NRXN3: variants seen among roughly 807,000 people sequenced by gnomAD.
The protein encoded by NRXN3 is neurexin 3.
A neutral mutation model predicts 137.6 loss-of-function variants in NRXN3; 32 were observed. The ratio of observed to expected loss-of-function variants is 0.23; its 90% CI spans 0.18 to 0.31. The LOEUF (loss-of-function observed/expected upper bound fraction) is 0.31, where lower values mean the gene tolerates loss of function less well. NRXN3 is among the 10% of genes least tolerant of loss of function. The pLI, the probability that NRXN3 is intolerant of heterozygous loss-of-function variation, is 1.00. For missense variants in NRXN3, 1,574 were observed against 2,062.5 expected (o/e 0.76, Z 4.59); for synonymous variants, 798 against 784.5 (o/e 1.02, Z -0.29).
chr14:78,825,939 G>T (rs1387092337), intron 10 of NRXN3, among the ~76,000 whole-genome samples: 2 of 152,204 alleles, frequency 1.3e-5, no homozygotes, highest in Non-Finnish European at 2.9e-5. Context: ...CCCCAGAGGG[G>T]CTAATCTGTC....
chr14:78,653,439 T>C (rs2097762112), intron 6 of NRXN3, among the ~76,000 whole-genome samples: 1 of 152,080 alleles, frequency 6.6e-6, no homozygotes, highest in African/African-American at 2.4e-5. Context: ...TGCTGTGGAG[T>C]GCTCATTCAG....
chr14:79,115,036 G>A (rs962942509), intron 15 of NRXN3, among the ~76,000 whole-genome samples: 6 of 151,902 alleles, frequency 3.9e-5, no homozygotes, highest in East Asian at 1.9e-4. Flanking sequence ...TTTAAGATGC[G>A]CAAACTAGGC....
intron 16 of NRXN3, among the ~76,000 whole-genome samples, chr14:79,492,285 A>C (rs906214752): frequency 4.6e-5 from 7 of 152,204 alleles, no homozygotes; most frequent in African/African-American, 1.7e-4. Flanking sequence ...TCAAGGAAAA[A>C]ATTAAATTTG....
chr14:78,218,977 G>A (rs1036486380), intron 1 of NRXN3, among the ~76,000 whole-genome samples: 6 of 152,130 alleles, frequency 3.9e-5, no homozygotes, highest in Non-Finnish European at 5.9e-5. Context: ...TATTCTCTCC[G>A]TGTCATTACA....
At chr14:78,228,541 G>A (rs2064982891) in intron 1 of NRXN3, among the ~76,000 whole-genome samples, 1 of 152,162 alleles carries the variant, frequency 6.6e-6, no homozygotes, top group African/African-American at 2.4e-5. Context: ...CTGAATGCTT[G>A]TTATCTACCA....
intron 16 of NRXN3, among the ~76,000 whole-genome samples, chr14:79,485,328 G>T (rs1053083205): frequency 2.0e-5 from 3 of 152,084 alleles, no homozygotes; most frequent in Non-Finnish European, 2.9e-5. Context: ...AGAGAGTAAA[G>T]AATTTCTTCT....
At chr14:79,294,285 G>A (rs2083670146) in intron 15 of NRXN3, among the ~76,000 whole-genome samples, 1 of 152,082 alleles carries the variant, frequency 6.6e-6, no homozygotes, top group African/African-American at 2.4e-5. Context: ...TGTTAACTCA[G>A]GTAATTATTA....
intron 4 of NRXN3, among the ~76,000 whole-genome samples, chr14:78,618,597 G>A (rs1449757441): frequency 6.6e-6 from 1 of 152,110 alleles, no homozygotes; most frequent in Non-Finnish European, 1.5e-5. Flanking sequence ...TGAGCATCAG[G>A]GCTGGAAAAC....
At chr14:78,851,642 A>G (rs544518333) in intron 10 of NRXN3, among the ~76,000 whole-genome samples, 108 of 152,316 alleles carry the variant, frequency 7.1e-4, no homozygotes, top group Non-Finnish European at 1.3e-4. Context: ...GACTCTACCA[A>G]TCTGATGAAT....
chr14:79,502,997 T>G (rs907093327), intron 16 of NRXN3, among the ~76,000 whole-genome samples: 1 of 152,160 alleles, frequency 6.6e-6, no homozygotes, highest in Non-Finnish European at 1.5e-5. Flanking sequence ...CCCAGCCAAG[T>G]GACGTGGCAT....
intron 17 of NRXN3, chr14:79,669,270 G>C (rs530869302): frequency 6.6e-6 from 1 of 152,088 alleles, no homozygotes; most frequent in Non-Finnish European, 1.5e-5. Flanking sequence ...ATTTGAACAA[G>C]GTTTCAGGAC....
At chr14:79,362,125 A>T (rs2093706382) in intron 15 of NRXN3, among the ~76,000 whole-genome samples, 1 of 150,046 alleles carries the variant, frequency 6.7e-6, no homozygotes, top group South Asian at 2.1e-4. Context: ...ATGCCCAGCT[A>T]ATTTTTTATT....
chr14:79,842,523 C>G (rs1040334262), intron 20 of NRXN3, among the ~76,000 whole-genome samples: 1 of 152,010 alleles, frequency 6.6e-6, no homozygotes, highest in African/African-American at 2.4e-5. Context: ...AGTGGACTTT[C>G]CCAGTGAGTC....
rs1315694347 is a variant in NRXN3, at chr14:78,170,644, C to G, written c.-734C>G. The G allele has an allele frequency of 6.6e-6, 1 of 152,214 alleles. No individual in the cohort carries two copies. Among genetic ancestry groups the G allele is most frequent in the Non-Finnish European group, 1.5e-5 (1 of 68,062 alleles). 9.4% of individuals were successfully genotyped at this position (152,214 alleles called of 1,614,324 possible). A position where few individuals can be genotyped will look rare whatever the true frequency, so the allele number is the denominator to read the frequency against. On this transcript the variant is annotated 5_prime_UTR_variant, in exon 1 of 21. Transcript: ENST00000335750. ...ATTAAACATCAAACAGACATACAGA[C>G]AGATCCCAAATCTTCTGTTCAACTG...
chr14:79,369,325 G>A (rs2094007959), intron 15 of NRXN3, among the ~76,000 whole-genome samples: 1 of 152,138 alleles, frequency 6.6e-6, no homozygotes, highest in South Asian at 2.1e-4. Context: ...ATGTCAAGGA[G>A]GATGACAGAT....
chr14:79,057,220 G>T (rs2099666827), intron 15 of NRXN3, among the ~76,000 whole-genome samples: 2 of 152,168 alleles, frequency 1.3e-5, no homozygotes, highest in Non-Finnish European at 2.9e-5. Context: ...AGCCAGCAAG[G>T]CATAAAAGGC....
chr14:78,759,042 G>A (rs2098681439), intron 8 of NRXN3, among the ~76,000 whole-genome samples: 2 of 152,162 alleles, frequency 1.3e-5, no homozygotes, highest in Admixed American at 1.3e-4. Flanking sequence ...TCAGCTGGAT[G>A]TAGGAAAAAA....
intron 10 of NRXN3, among the ~76,000 whole-genome samples, chr14:78,901,344 T>G (rs751506976): frequency 6.6e-6 from 1 of 151,998 alleles, no homozygotes; most frequent in Non-Finnish European, 1.5e-5. Flanking sequence ...TCACCTGCTT[T>G]CCCTTTGTAT....
chr14:79,285,329 A>C (rs1229467813), intron 15 of NRXN3, among the ~76,000 whole-genome samples: 2 of 152,204 alleles, frequency 1.3e-5, no homozygotes, highest in African/African-American at 4.8e-5. Flanking sequence ...TATCAGCCCA[A>C]AGAAGTTTGC....
Sources: gnomAD v4.1 joint callset for allele counts (sites outside exome capture counted in the v4.1 genomes callset) on GRCh38, gnomAD v4.1.1 for gene constraint, MANE v1.5 for transcripts, NCBI Gene and HGNC (gene_info 2026-07-23, HGNC 2026-07-21) for gene names.